The following PRELID2 variants were observed in gnomAD, a reference collection of about 807,000 sequenced individuals.
PRELID2 encodes PRELI domain containing 2, also known as PRELI domain-containing protein 2.
PRELID2 carries 25 observed loss-of-function variants against 28.4 expected under a neutral mutation model. The observed-to-expected ratio is 0.88, with a 90% CI of 0.64 to 1.23. PRELID2 has a LOEUF of 1.23. Ranked by LOEUF, PRELID2 falls within the 50% of genes most tolerant of loss-of-function variation. The probability of loss-of-function intolerance (pLI) is 0.00; values close to 1 mark genes in which losing one functional copy is unlikely to be tolerated. For missense variants in PRELID2, 201 were observed against 214.4 expected (o/e 0.94, Z 0.39); for synonymous variants, 76 against 71.6 (o/e 1.06, Z -0.31).
chr5:145,271,946 A>G, the PRELID2 span, among the ~76,000 whole-genome samples: 17 of 152,134 alleles, frequency 1.1e-4, no homozygotes, highest in African/African-American at 3.6e-4. Flanking sequence ...TTCCATACCA[A>G]ATAAACTCCC....
chr5:145,464,089 G>T, the PRELID2 span, among the ~76,000 whole-genome samples: 1 of 152,116 alleles, frequency 6.6e-6, no homozygotes, highest in Non-Finnish European at 1.5e-5. Context: ...ACATATTAAA[G>T]ATATTAAATC....
At chr5:145,518,193 C>T (rs899259577) in intron 1 of PRELID2, among the ~76,000 whole-genome samples, 2 of 150,568 alleles carry the variant, frequency 1.3e-5, no homozygotes, top group African/African-American at 4.9e-5. Context: ...GTCATGAGTG[C>T]ACTCTTGGTT....
At chr5:145,340,554 GC>G in the PRELID2 span, among the ~76,000 whole-genome samples, 1 of 151,908 alleles carries the variant, frequency 6.6e-6, no homozygotes, top group Non-Finnish European at 1.5e-5. Flanking sequence ...GATCACTTGA[GC>G]CCAGGAGTTC....
intron 1 of PRELID2, among the ~76,000 whole-genome samples, chr5:145,493,738 C>A (rs1212628999): frequency 1.3e-5 from 2 of 152,126 alleles, no homozygotes; most frequent in African/African-American, 2.4e-5. Context: ...TTTCCTTCCC[C>A]ACCAGACAAA....
chr5:145,422,528 C>T, the PRELID2 span, among the ~76,000 whole-genome samples: 1 of 151,966 alleles, frequency 6.6e-6, no homozygotes, highest in Non-Finnish European at 1.5e-5. Flanking sequence ...GGTTTAAAGT[C>T]TGTTTTATCA....
chr5:145,315,171 G>A, the PRELID2 span, among the ~76,000 whole-genome samples: 1 of 149,120 alleles, frequency 6.7e-6, no homozygotes, highest in East Asian at 2.0e-4. Context: ...CCGGGCTCAA[G>A]CGATTCTCCT....
At chr5:145,426,620 T>G in the PRELID2 span, among the ~76,000 whole-genome samples, 1 of 152,192 alleles carries the variant, frequency 6.6e-6, no homozygotes, top group Non-Finnish European at 1.5e-5. Flanking sequence ...CTATTTGCAT[T>G]CATTATTTAT....
chr5:145,355,853 G>A, the PRELID2 span, among the ~76,000 whole-genome samples: 1 of 151,932 alleles, frequency 6.6e-6, no homozygotes, highest in South Asian at 2.1e-4. Context: ...TACATGAGCT[G>A]GTATGTACTT....
chr5:145,774,283 T>C (rs556298361), intron 5 of PRELID2, among the ~76,000 whole-genome samples: 34 of 152,338 alleles, frequency 2.2e-4, no homozygotes, highest in Non-Finnish European at 4.7e-4. Context: ...AGCTAGCAAG[T>C]GGCAGACCTA....
chr5:145,765,857 G>A (rs1229536203), intron 5 of PRELID2, among the ~76,000 whole-genome samples: 3 of 151,984 alleles, frequency 2.0e-5, no homozygotes, highest in African/African-American at 4.8e-5. Flanking sequence ...TACTGACGAG[G>A]AAACAGAAAC....
intron 1 of PRELID2, among the ~76,000 whole-genome samples, chr5:145,535,750 C>T (rs971260779): frequency 3.3e-5 from 5 of 151,864 alleles, no homozygotes; most frequent in African/African-American, 4.8e-5. Context: ...TCATCCTCAT[C>T]CATTCATCAT....
chr5:145,700,876 C>T (rs2149702718), intron 1 of PRELID2, among the ~76,000 whole-genome samples: 1 of 152,214 alleles, frequency 6.6e-6, no homozygotes, highest in Non-Finnish European at 1.5e-5. Context: ...TGAGCAAGCC[C>T]CTCCATGGCC....
At chr5:145,781,612 CTA>C (rs1017361743) in intron 5 of PRELID2, among the ~76,000 whole-genome samples, 2 of 145,560 alleles carry the variant, frequency 1.4e-5, no homozygotes, top group Non-Finnish European at 3.0e-5. Context: ...TATATACACA[CTA>C]TATATATACT....
intron 1 of PRELID2, among the ~76,000 whole-genome samples, chr5:145,563,126 T>C (rs967815093): frequency 2.6e-5 from 4 of 152,234 alleles, no homozygotes; most frequent in Admixed American, 2.6e-4. Flanking sequence ...GATCTTATCC[T>C]CATACCCTGG....
chr5:145,343,987 A>G, the PRELID2 span, among the ~76,000 whole-genome samples: 2 of 151,972 alleles, frequency 1.3e-5, no homozygotes, highest in Non-Finnish European at 2.9e-5. Flanking sequence ...CTAAATAGAC[A>G]TAATGAGTAG....
the PRELID2 span, among the ~76,000 whole-genome samples, chr5:145,403,691 T>A: frequency 1.3e-5 from 2 of 152,184 alleles, no homozygotes; most frequent in African/African-American, 2.4e-5. Flanking sequence ...CTCTCACAAA[T>A]CCTACGACAT....
At chr5:145,740,437 T>G (rs1458199926) in intron 1 of PRELID2, among the ~76,000 whole-genome samples, 1 of 140,278 alleles carries the variant, frequency 7.1e-6, no homozygotes, top group Non-Finnish European at 1.5e-5. Flanking sequence ...AAACGTTCTC[T>G]CAACAATTGG....
At chr5:145,365,536 A>G in the PRELID2 span, among the ~76,000 whole-genome samples, 7,288 of 152,016 alleles carry the variant, frequency 0.048, 614 homozygotes, top group African/African-American at 0.17. Context: ...GGAAAATTTA[A>G]CCTAATTTTG....
intron 4 of PRELID2, among the ~76,000 whole-genome samples, chr5:145,807,583 A>G (rs1028531777): frequency 6.6e-6 from 1 of 152,006 alleles, no homozygotes; most frequent in African/African-American, 2.4e-5. Flanking sequence ...AAACAAGAAG[A>G]GAAGCTCCCA....
Sources: allele counts gnomAD v4.1 joint callset (sites outside exome capture counted in the v4.1 genomes callset), GRCh38; gene constraint gnomAD v4.1.1; transcripts MANE v1.5; gene names NCBI Gene and HGNC (gene_info 2026-07-23, HGNC 2026-07-21).